Variants in PALM2AKAP2 observed in about 807,000 individuals in gnomAD.
The protein encoded by PALM2AKAP2 is PALM2 and AKAP2 fusion, also known as PALM2-AKAP2 fusion protein.
PALM2AKAP2 carries 37 observed loss-of-function variants against 71.5 expected under a neutral mutation model. The ratio of observed to expected loss-of-function variants is 0.52; its 90% CI spans 0.40 to 0.68. The LOEUF (loss-of-function observed/expected upper bound fraction) is 0.68, where lower values mean the gene tolerates loss of function less well. Among genes scored for constraint, PALM2AKAP2 ranks in the 30% least tolerant of loss-of-function variants. The pLI, the probability that PALM2AKAP2 is intolerant of heterozygous loss-of-function variation, is 0.00. For missense variants in PALM2AKAP2, 1,224 were observed against 1,191.8 expected (o/e 1.03, Z -0.40); for synonymous variants, 468 against 478.8 (o/e 0.98, Z 0.29).
At chr9:109,960,199 C>T (rs758215042) in intron 6 of PALM2AKAP2, among the ~76,000 whole-genome samples, 23 of 152,086 alleles carry the variant, frequency 1.5e-4, no homozygotes, top group Admixed American at 3.3e-4. Context: ...GTCCCTCTTC[C>T]CCTGGAGAAG....
chr9:110,053,093 G>A (rs976523569), intron 1 of PALM2AKAP2, among the ~76,000 whole-genome samples: 4 of 152,170 alleles, frequency 2.6e-5, no homozygotes, highest in African/African-American at 9.7e-5. Flanking sequence ...AGGGGCTGGA[G>A]AAGACAGAGC....
chr9:110,025,356 C>T (rs1833159873), intron 7 of PALM2AKAP2: 2 of 1,095,274 alleles, frequency 1.8e-6, no homozygotes, highest in African/African-American at 3.1e-5. Context: ...TTGTGTTCGT[C>T]ATTTTGGCGA....
intron 1 of PALM2AKAP2, among the ~76,000 whole-genome samples, chr9:109,744,575 G>C (rs1218872896): frequency 2.6e-5 from 4 of 151,992 alleles, no homozygotes; most frequent in African/African-American, 9.7e-5. Flanking sequence ...AGGACTAGAG[G>C]GTCTAAGACA....
intron 6 of PALM2AKAP2, among the ~76,000 whole-genome samples, chr9:109,934,955 T>A (rs1306537555): frequency 6.6e-6 from 1 of 152,234 alleles, no homozygotes; most frequent in Non-Finnish European, 1.5e-5. Flanking sequence ...AAATTTCTTC[T>A]TGTTAGATTG....
intron 1 of PALM2AKAP2, among the ~76,000 whole-genome samples, chr9:109,858,634 C>G (rs545536113): frequency 6.6e-6 from 1 of 152,270 alleles, no homozygotes; most frequent in Admixed American, 6.5e-5. Context: ...AGATGGAGAT[C>G]ACATTCTTCG....
At position 109,923,863 on chromosome 9, in the gene PALM2AKAP2, A is replaced by G. The variant is rs749897091; in HGVS notation, c.372+14A>G. 2 of 1,563,802 alleles carry G rather than the reference A, an allele frequency of 1.3e-6. No individual in the cohort carries two copies. ...GACTTTCAGAAGGTGAAGAAAACCA[A>G]AACGATTTCTCAAAGTTATTTCCAT... On this transcript the variant is annotated intron_variant, in intron 4 of 9. Transcript: ENST00000302798.
chr9:109,945,842 T>G (rs143734582), intron 6 of PALM2AKAP2: 5 of 152,352 alleles, frequency 3.3e-5, no homozygotes, highest in African/African-American at 1.2e-4. Flanking sequence ...GATCTGCACA[T>G]CTTACTACAA....
chr9:110,057,063 G>A (rs1347113905), intron 1 of PALM2AKAP2, among the ~76,000 whole-genome samples: 1 of 152,140 alleles, frequency 6.6e-6, no homozygotes, highest in African/African-American at 2.4e-5. Flanking sequence ...GCGGTTCCCA[G>A]GCAGGATGGT....
At chr9:110,077,134 G>A (rs913110842) in intron 1 of PALM2AKAP2, among the ~76,000 whole-genome samples, 1 of 152,166 alleles carries the variant, frequency 6.6e-6, no homozygotes. Context: ...ACAATCCTGG[G>A]TGTGATTCTC....
chr9:109,709,182 G>C (rs1333095843), intron 1 of PALM2AKAP2, among the ~76,000 whole-genome samples: 2 of 152,150 alleles, frequency 1.3e-5, no homozygotes, highest in African/African-American at 2.4e-5. Flanking sequence ...CCACATCCTG[G>C]GGCACTGTAG....
chr9:110,062,744 GA>G (rs1298078863), intron 1 of PALM2AKAP2, among the ~76,000 whole-genome samples: 2 of 152,152 alleles, frequency 1.3e-5, no homozygotes, highest in Non-Finnish European at 2.9e-5. Context: ...TTAAACAACA[GA>G]AATCTATTTT....
intron 1 of PALM2AKAP2, among the ~76,000 whole-genome samples, chr9:109,703,001 T>C (rs1441226966): frequency 2.0e-5 from 3 of 152,080 alleles, no homozygotes; most frequent in Non-Finnish European, 2.9e-5. Flanking sequence ...GTATTTTTAG[T>C]AGAGATGGGG....
At chr9:109,667,719 G>T (rs1273629949) in intron 1 of PALM2AKAP2, among the ~76,000 whole-genome samples, 1 of 152,080 alleles carries the variant, frequency 6.6e-6, no homozygotes, top group African/African-American at 2.4e-5. Flanking sequence ...CTTGACACTG[G>T]GAGGCAGAGG....
chr9:109,726,172 C>T (rs759130875), intron 1 of PALM2AKAP2, among the ~76,000 whole-genome samples: 67 of 152,304 alleles, frequency 4.4e-4, no homozygotes, highest in Non-Finnish European at 7.6e-4. Flanking sequence ...TTTATTCCAG[C>T]CTCCCTTTCC....
intron 1 of PALM2AKAP2, among the ~76,000 whole-genome samples, chr9:109,837,747 G>T (rs12339281): frequency 0.16 from 23,635 of 151,922 alleles, 1,977 homozygotes; most frequent in African/African-American, 0.19. Flanking sequence ...TGATAAAACA[G>T]ACTTTAAACC....
intron 6 of PALM2AKAP2, among the ~76,000 whole-genome samples, chr9:109,991,481 C>G (rs1168408018): frequency 2.0e-5 from 3 of 152,132 alleles, no homozygotes; most frequent in African/African-American, 7.2e-5. Flanking sequence ...TCAAGCAATC[C>G]TCCTATCTTG....
At chr9:110,103,122 A>G (rs2118886082) in intron 1 of PALM2AKAP2, among the ~76,000 whole-genome samples, 1 of 152,270 alleles carries the variant, frequency 6.6e-6, no homozygotes, top group East Asian at 1.9e-4. Flanking sequence ...GACCTCCCTG[A>G]GTAGCCCAAA....
chr9:109,702,398 A>ATGGTGT, intron 1 of PALM2AKAP2, among the ~76,000 whole-genome samples: 1 of 152,338 alleles, frequency 6.6e-6, no homozygotes, highest in Middle Eastern at 3.4e-3. Context: ...TACACCATGG[A>ATGGTGT]ATACTATGCT....
intron 3 of PALM2AKAP2, among the ~76,000 whole-genome samples, chr9:109,882,548 T>G (rs571619003): frequency 2.0e-5 from 3 of 152,294 alleles, no homozygotes; most frequent in Non-Finnish European, 2.9e-5. Flanking sequence ...TACATATATA[T>G]ATAGAGAGAG....
Sources: allele counts gnomAD v4.1 joint callset (sites outside exome capture counted in the v4.1 genomes callset), GRCh38; gene constraint gnomAD v4.1.1; transcripts MANE v1.5; gene names NCBI Gene and HGNC (gene_info 2026-07-23, HGNC 2026-07-21).